The following PTPN14 variants were observed in gnomAD, a reference collection of about 807,000 sequenced individuals.
PTPN14 encodes the protein protein tyrosine phosphatase non-receptor type 14.
PTPN14 carries 53 observed loss-of-function variants against 126.8 expected under a neutral mutation model. That is an observed-to-expected ratio of 0.42 (90% CI 0.34 to 0.53). PTPN14 has a LOEUF of 0.53. PTPN14 is among the 20% of genes least tolerant of loss of function. The pLI is 0.08. For missense variants in PTPN14, 1,257 were observed against 1,552.9 expected (o/e 0.81, Z 3.20); for synonymous variants, 630 against 599.3 (o/e 1.05, Z -0.75).
At chr1:214,366,702 A>G (rs11120304) in intron 17 of PTPN14, among the ~76,000 whole-genome samples, 7,391 of 152,154 alleles carry the variant, frequency 0.049, 581 homozygotes, top group African/African-American at 0.17. Flanking sequence ...ATACATTTAC[A>G]TTCTTTAAAA....
intron 11 of PTPN14, among the ~76,000 whole-genome samples, chr1:214,389,248 T>C (rs1050356838): frequency 6.6e-6 from 1 of 152,164 alleles, no homozygotes; most frequent in Non-Finnish European, 1.5e-5. Context: ...AAAAAACCAA[T>C]AAGTAAGTTA....
At chr1:214,485,107 A>T (rs1200711121) in intron 1 of PTPN14, among the ~76,000 whole-genome samples, 1 of 152,238 alleles carries the variant, frequency 6.6e-6, no homozygotes, top group Admixed American at 6.5e-5. Flanking sequence ...GTCTAACCAG[A>T]TTATTAGTGC....
chr1:214,433,843 C>CT (rs1304919419), intron 3 of PTPN14, among the ~76,000 whole-genome samples: 1 of 151,048 alleles, frequency 6.6e-6, no homozygotes, highest in Non-Finnish European at 1.5e-5. Context: ...AGCTCTAGCA[C>CT]TTTGAGAGGC....
chr1:214,425,214 A>G (rs977853386), intron 3 of PTPN14, among the ~76,000 whole-genome samples: 2 of 152,218 alleles, frequency 1.3e-5, no homozygotes, highest in African/African-American at 2.4e-5. Context: ...TGGTAGTTGC[A>G]CAAAAAGCAT....
At chr1:214,535,422 T>C (rs1044900149) in intron 1 of PTPN14, among the ~76,000 whole-genome samples, 1 of 152,228 alleles carries the variant, frequency 6.6e-6, no homozygotes, top group Non-Finnish European at 1.5e-5. Flanking sequence ...GGTTCAACAA[T>C]TCTTTTGTCA....
chr1:214,528,766 A>T (rs1396845895), intron 1 of PTPN14: 1 of 152,158 alleles, frequency 6.6e-6, no homozygotes, highest in African/African-American at 2.4e-5. Flanking sequence ...CTCCATCTCT[A>T]CTAAAAATAC....
In PTPN14 at chr1:214,353,117, G is replaced by A. The variant is rs1436516477; in HGVS notation, c.*4805C>T. The A allele has an allele frequency of 6.6e-6, 1 of 152,144 alleles. No homozygotes were observed. Among genetic ancestry groups the A allele is most frequent in the Non-Finnish European group, 1.5e-5 (1 of 68,042 alleles). The allele number at this position is 152,144 out of a possible 1,614,324, so 9.4% of individuals were successfully genotyped here. A position where few individuals can be genotyped will look rare whatever the true frequency, so the allele number is the denominator to read the frequency against. On this transcript the variant is annotated 3_prime_UTR_variant, in exon 19 of 19. Coordinates refer to ENST00000366956, the MANE Select transcript of PTPN14 (RefSeq NM_005401.5). Reference sequence around the variant, plus strand: ...CCCAACCCCCGCACCTCAAGGGATTGACAGATCTTCCCCAAACGAAAATCA... The same window carrying A: ...CCCAACCCCCGCACCTCAAGGGATTAACAGATCTTCCCCAAACGAAAATCA...
Position 214,442,713 on chromosome 1 carries a change from C to T in PTPN14, c.344+9092G>A, listed in dbSNP as rs373009112. Among the ~76,000 whole-genome samples the T allele has an allele frequency of 2.9e-4, 44 of 152,190 alleles. 1 individual carries two copies. In the East Asian group the frequency reaches 5.6e-3, roughly 19 times the overall value. The stretch of plus-strand genomic sequence containing the variant: ...CAGAGAAACAGCTAGATTATGTTTA[C>T]GGCTAAGTTAACTTCGGCTAAGTTA... On this transcript the variant is annotated intron_variant, in intron 3 of 18. Transcript: ENST00000366956.
intron 3 of PTPN14, among the ~76,000 whole-genome samples, chr1:214,418,112 G>T (rs1056236442): frequency 2.6e-5 from 4 of 152,182 alleles, no homozygotes; most frequent in Admixed American, 2.6e-4. Flanking sequence ...GGAAGTGATT[G>T]TTGCTCCCAA....
rs1418591151 is a variant in PTPN14 at position 214,364,470 on chromosome 1, C to T, written c.3435+42G>A. 23 of 1,599,710 alleles carry T rather than the reference C, an allele frequency of 1.4e-5. No individual in the cohort carries two copies. Among genetic ancestry groups the T allele is most frequent in the South Asian group, 2.3e-5 (2 of 88,752 alleles). ...AGGTTTGGCCAGGGTGTAGACTTGTCCCCAAGGTGGAGTATCCGGAGAGAA... is the reference window on the plus strand; with the variant it reads ...AGGTTTGGCCAGGGTGTAGACTTGTTCCCAAGGTGGAGTATCCGGAGAGAA... On this transcript the variant is annotated intron_variant, in intron 18 of 18. Transcript: ENST00000366956. The surrounding 1 kb of genome is among the most constrained non-coding windows in gnomAD (Gnocchi z 4.1).
At position 214,369,823 on chromosome 1, in the gene PTPN14, T is replaced by C. The variant is rs574193008; in HGVS notation, c.3037-132A>G. The C allele has an allele frequency of 9.4e-6, 7 of 744,284 alleles. No homozygotes were observed. The East Asian group carries it at 1.7e-4, about 19-fold the overall frequency. 46.1% of individuals were successfully genotyped at this position (744,284 alleles called of 1,614,324 possible). ...TAGTTCAGTAGCACTCTGCAGTGTC[T>C]ACCACAGGGTAGATCCTATACATGC... On this transcript the variant is annotated intron_variant, in intron 16 of 18. Coordinates refer to ENST00000366956, the MANE Select transcript of PTPN14 (RefSeq NM_005401.5).
At chr1:214,403,083 G>T in intron 5 of PTPN14, 130 bp from the exon 6 acceptor site, 1 of 826,656 alleles carries the variant, frequency 1.2e-6, no homozygotes, top group Non-Finnish European at 2.0e-6. Context: ...CTTTACTGCT[G>T]TAGAATTAAA....
At position 214,356,245 on chromosome 1, in the gene PTPN14, C is replaced by T. The variant is rs1322550438; in HGVS notation, c.*1677G>A. On this transcript the variant is annotated 3_prime_UTR_variant, in exon 19 of 19. Transcript: ENST00000366956. ...AAGTGCTGGGATTACAGGTGTGAACCACCGTGCCTGGCTGACTACAGTTTT... is the reference window on the plus strand; with the variant it reads ...AAGTGCTGGGATTACAGGTGTGAACTACCGTGCCTGGCTGACTACAGTTTT... The T allele has an allele frequency of 2.6e-5, 4 of 152,286 alleles. No homozygotes were observed. The highest frequency in any genetic ancestry group is 4.8e-5 in the African/African-American group (2 of 41,422). The allele number at this position is 152,286 out of a possible 1,614,324, so 9.4% of individuals were successfully genotyped here.
intron 14 of PTPN14, among the ~76,000 whole-genome samples, chr1:214,377,158 T>TA (rs1311024549): frequency 2.6e-5 from 4 of 152,230 alleles, no homozygotes; most frequent in African/African-American, 9.6e-5. Context: ...TTTATGGTCA[T>TA]ACGAGGGGAC....
chr1:214,521,485 G>C (rs1655253239), intron 1 of PTPN14, among the ~76,000 whole-genome samples: 1 of 152,166 alleles, frequency 6.6e-6, no homozygotes, highest in South Asian at 2.1e-4. Context: ...GACCAAAATG[G>C]GTGGATCACC....
chr1:214,389,959 A>T (rs1658712180), intron 11 of PTPN14, among the ~76,000 whole-genome samples: 1 of 152,360 alleles, frequency 6.6e-6, no homozygotes, highest in Admixed American at 6.5e-5. Context: ...TCACACAGGC[A>T]CTCAGGAATT....
At chr1:214,414,245 C>T (rs982468073) in intron 4 of PTPN14, among the ~76,000 whole-genome samples, 5 of 152,176 alleles carry the variant, frequency 3.3e-5, no homozygotes, top group Non-Finnish European at 5.9e-5. Flanking sequence ...TTAAAGCTAT[C>T]ACACTCAAAG....
chr1:214,528,393 T>C (rs1276628134), intron 1 of PTPN14: 1 of 152,092 alleles, frequency 6.6e-6, no homozygotes, highest in Non-Finnish European at 1.5e-5. Context: ...TATACATCCA[T>C]TAACATTCTA....
Position 214,510,605 on chromosome 1 carries a change from C to T in PTPN14, c.-155+40578G>A, listed in dbSNP as rs7535173. The stretch of plus-strand genomic sequence containing the variant: ...AGCTTTCTGAATAAAAACTCACACT[C>T]AGTTCTACTTCTCCTTCACCTGATT... On this transcript the variant is annotated intron_variant, in intron 1 of 18. Transcript: ENST00000366956. 3.1e-3 allele frequency among the ~76,000 whole-genome samples: 479 copies of T among 152,336 alleles called. 2 individuals carry two copies. The highest frequency in any genetic ancestry group is 0.011 in the African/African-American group (443 of 41,582).
Sources: allele counts gnomAD v4.1 joint callset (sites outside exome capture counted in the v4.1 genomes callset), GRCh38; gene constraint gnomAD v4.1.1; non-coding constraint Gnocchi (gnomAD v3.1); transcripts MANE v1.5; gene names NCBI Gene and HGNC (gene_info 2026-07-23, HGNC 2026-07-21).